Variants in PPM1L observed in about 807,000 individuals in gnomAD.
PPM1L encodes the protein protein phosphatase 1L.
In PPM1L, 13 loss-of-function variants were observed where a neutral mutation model predicts 31.4. The observed-to-expected ratio is 0.41, with a 90% CI of 0.27 to 0.66. The LOEUF (loss-of-function observed/expected upper bound fraction) is 0.66, where lower values mean the gene tolerates loss of function less well. Ranked by LOEUF, PPM1L falls within the 30% of genes least tolerant of loss-of-function variation. PPM1L has a pLI of 0.29. For missense variants in PPM1L, 326 were observed against 453.7 expected (o/e 0.72, Z 2.56); for synonymous variants, 184 against 175.4 (o/e 1.05, Z -0.39).
chr3:160,903,194 G>GTGTGTGTGTGTGTGTGTGTGTGTGTGTGT (rs1553819647), intron 1 of PPM1L, among the ~76,000 whole-genome samples: 22 of 95,528 alleles, frequency 2.3e-4, no homozygotes, highest in East Asian at 1.6e-3. Flanking sequence ...TGTGTGTGTG[G>GTGTGTGTGTGTGTGTGTGTGTGTGTGTGT]TATGTGTGTA....
chr3:160,987,195 A>C (rs751971531), intron 2 of PPM1L, among the ~76,000 whole-genome samples: 27 of 152,318 alleles, frequency 1.8e-4, no homozygotes, highest in Non-Finnish European at 2.1e-4. Context: ...GGAGCCAGAC[A>C]GGCAAGTGGG....
At chr3:160,873,745 C>G (rs894931649) in intron 1 of PPM1L, among the ~76,000 whole-genome samples, 2 of 151,990 alleles carry the variant, frequency 1.3e-5, no homozygotes, top group African/African-American at 2.4e-5. Flanking sequence ...GAGGGTTTCA[C>G]CATGTTGGCT....
intron 1 of PPM1L, among the ~76,000 whole-genome samples, chr3:160,786,229 T>C (rs1467645295): frequency 1.0e-5 from 1 of 97,186 alleles, no homozygotes; most frequent in Non-Finnish European, 2.0e-5. Flanking sequence ...TTTTTTTTTT[T>C]TTTTTTAAGA....
chr3:160,846,022 A>C (rs1423085741), intron 1 of PPM1L, among the ~76,000 whole-genome samples: 1 of 152,128 alleles, frequency 6.6e-6, no homozygotes, highest in Non-Finnish European at 1.5e-5. Context: ...GATAGTTTTT[A>C]TAAAGGTGCT....
At chr3:160,952,899 G>T (rs1180981098) in intron 1 of PPM1L, among the ~76,000 whole-genome samples, 1 of 152,078 alleles carries the variant, frequency 6.6e-6, no homozygotes, top group African/African-American at 2.4e-5. Context: ...GAGCTTGAGG[G>T]TTTCTCTCTC....
At chr3:160,941,450 C>T (rs185687243) in intron 1 of PPM1L, among the ~76,000 whole-genome samples, 165 of 152,178 alleles carry the variant, frequency 1.1e-3, no homozygotes, top group Middle Eastern at 0.01. Flanking sequence ...AGAGGGACCC[C>T]GCAGAGGTAA....
At chr3:160,949,266 T>C (rs1396857863) in intron 1 of PPM1L, among the ~76,000 whole-genome samples, 1 of 152,210 alleles carries the variant, frequency 6.6e-6, no homozygotes, top group Non-Finnish European at 1.5e-5. Context: ...CCTGGATTCC[T>C]AAAATAAGAC....
chr3:160,922,231 A>C (rs1335553080), intron 1 of PPM1L, among the ~76,000 whole-genome samples: 1 of 152,034 alleles, frequency 6.6e-6, no homozygotes, highest in Non-Finnish European at 1.5e-5. Flanking sequence ...AATGGCGTGA[A>C]CCTGGGAGGT....
chr3:160,933,080 A>G (rs1321457596), intron 1 of PPM1L, among the ~76,000 whole-genome samples: 2 of 152,152 alleles, frequency 1.3e-5, no homozygotes, highest in Non-Finnish European at 2.9e-5. Context: ...TTCAGTTTCT[A>G]TTTACATTTT....
chr3:160,949,462 C>G (rs1420307593), intron 1 of PPM1L, among the ~76,000 whole-genome samples: 1 of 152,060 alleles, frequency 6.6e-6, no homozygotes, highest in Non-Finnish European at 1.5e-5. Context: ...AGGTGTGATG[C>G]TCGGCAAGTA....
In PPM1L at chr3:160,887,467, C is replaced by T. The variant is rs1031349770; in HGVS notation, c.400-74269C>T. ...AAGGTTGAAATGAAGGAAAAAAAAGCGAGAGAGAAAGACCAGGTCACCTAC... is the reference window on the plus strand; with the variant it reads ...AAGGTTGAAATGAAGGAAAAAAAAGTGAGAGAGAAAGACCAGGTCACCTAC... On this transcript the variant is annotated intron_variant, in intron 1 of 3. Coordinates refer to ENST00000498165, the MANE Select transcript of PPM1L (RefSeq NM_139245.4). 3.3e-5 allele frequency among the ~76,000 whole-genome samples: 5 copies of T among 151,656 alleles called. No homozygotes were observed. In the East Asian group the frequency reaches 5.8e-4, roughly 18 times the overall value.
chr3:160,911,132 T>C (rs1214573090), intron 1 of PPM1L, among the ~76,000 whole-genome samples: 1 of 152,230 alleles, frequency 6.6e-6, no homozygotes, highest in Non-Finnish European at 1.5e-5. Context: ...TTTTCATTGG[T>C]ATTTTCCTAC....
rs141884854 is a variant in PPM1L at position 160,779,945 on chromosome 3, C to A, written c.399+23238C>A. 3.7e-3 allele frequency among the ~76,000 whole-genome samples: 562 copies of A among 152,028 alleles called. 7 individuals carry two copies. The highest frequency in any genetic ancestry group is 0.013 in the African/African-American group (538 of 41,466). On this transcript the variant is annotated intron_variant, in intron 1 of 3. Coordinates refer to ENST00000498165, the MANE Select transcript of PPM1L (RefSeq NM_139245.4). Reference sequence around the variant, plus strand: ...TTTTTTTAGTATGTACCTCATAGGACTGTTAAGACATTAAATGAATTCATA... The same window carrying A: ...TTTTTTTAGTATGTACCTCATAGGAATGTTAAGACATTAAATGAATTCATA...
intron 1 of PPM1L, among the ~76,000 whole-genome samples, chr3:160,908,737 A>G (rs1713851589): frequency 6.6e-6 from 1 of 152,204 alleles, no homozygotes; most frequent in Non-Finnish European, 1.5e-5. Context: ...GTGCATAAAC[A>G]ACTAACTGTA....
chr3:160,999,764 T>G (rs1174787971), intron 2 of PPM1L, among the ~76,000 whole-genome samples: 1 of 152,230 alleles, frequency 6.6e-6, no homozygotes, highest in Non-Finnish European at 1.5e-5. Flanking sequence ...ATCTATAATT[T>G]GGGTCATTTT....
intron 1 of PPM1L, among the ~76,000 whole-genome samples, chr3:160,824,004 A>G (rs1347744049): frequency 6.6e-6 from 1 of 152,180 alleles, no homozygotes; most frequent in Non-Finnish European, 1.5e-5. Context: ...CAAAGTTCTC[A>G]CTGAATTTCA....
Position 160,993,847 on chromosome 3 carries a change from C to T in PPM1L, c.574+31937C>T, listed in dbSNP as rs73019395. On this transcript the variant is annotated intron_variant, in intron 2 of 3. Coordinates refer to ENST00000498165, the MANE Select transcript of PPM1L (RefSeq NM_139245.4). ...ACAGACAGTGTTTATACCCTGTCCC[C>T]TCTTTTGATGACAAAGCCATTAGTT... is the stretch of plus-strand genomic sequence containing the variant. Among the ~76,000 whole-genome samples, 444 of 152,242 alleles carry T rather than the reference C, an allele frequency of 2.9e-3. 1 individual carries two copies. Among genetic ancestry groups the T allele is most frequent in the African/African-American group, 0.01 (428 of 41,550 alleles).
At chr3:160,958,177 C>A (rs1715842640) in intron 1 of PPM1L, among the ~76,000 whole-genome samples, 1 of 152,128 alleles carries the variant, frequency 6.6e-6, no homozygotes, top group Admixed American at 6.5e-5. Context: ...TCCTATTTGT[C>A]AATTTTTGCT....
chr3:160,883,877 T>C (rs1399449503), intron 1 of PPM1L, among the ~76,000 whole-genome samples: 2 of 92,106 alleles, frequency 2.2e-5, no homozygotes, highest in Non-Finnish European at 4.6e-5. Flanking sequence ...AGACCTTGTC[T>C]CTACAAAAAA....
Sources: allele counts gnomAD v4.1 joint callset (sites outside exome capture counted in the v4.1 genomes callset), GRCh38; gene constraint gnomAD v4.1.1; transcripts MANE v1.5; gene names NCBI Gene and HGNC (gene_info 2026-07-23, HGNC 2026-07-21).